The following TMEFF2 variants were observed in gnomAD, a reference collection of about 807,000 sequenced individuals.
TMEFF2 encodes the protein transmembrane protein with EGF like and two follistatin like domains 2.
TMEFF2 carries 28 observed loss-of-function variants against 53.8 expected under a neutral mutation model. The observed-to-expected ratio is 0.52, with a 90% CI of 0.39 to 0.71. TMEFF2 has a LOEUF of 0.71. TMEFF2 is among the 30% of genes least tolerant of loss of function. The probability of loss-of-function intolerance (pLI) is 0.00; values close to 1 mark genes in which losing one functional copy is unlikely to be tolerated. For synonymous variants in TMEFF2, 162 were observed against 166.3 expected, an observed-to-expected ratio of 0.97 and a Z score of 0.20; for missense variants, 353 against 455.2, an observed-to-expected ratio of 0.78 and a Z score of 2.04.
chr2:192,012,536 T>C (rs1349373131), intron 5 of TMEFF2, among the ~76,000 whole-genome samples: 2 of 152,204 alleles, frequency 1.3e-5, no homozygotes, highest in African/African-American at 2.4e-5. Context: ...AATGTTGTAT[T>C]AGCTAGGGGC....
intron 4 of TMEFF2, among the ~76,000 whole-genome samples, chr2:192,072,358 C>A (rs542714984): frequency 1.3e-5 from 2 of 152,036 alleles, no homozygotes; most frequent in East Asian, 3.9e-4. Flanking sequence ...CATTCACATG[C>A]ATACTTTAAA....
chr2:192,010,398 T>C (rs1343056159), intron 5 of TMEFF2, among the ~76,000 whole-genome samples: 1 of 152,068 alleles, frequency 6.6e-6, no homozygotes, highest in Non-Finnish European at 1.5e-5. Flanking sequence ...TGCTTCTGAG[T>C]TTCTCAAAAA....
Position 192,175,818 on chromosome 2 carries a change from A to G in TMEFF2, c.439+3850T>C, listed in dbSNP as rs575661070. Among the ~76,000 whole-genome samples the G allele has an allele frequency of 2.0e-5, 3 of 151,622 alleles. No individual in the cohort carries two copies. The East Asian group carries it at 5.8e-4, about 29-fold the overall frequency. On this transcript the variant is annotated intron_variant, in intron 4 of 9. Coordinates refer to ENST00000272771, the MANE Select transcript of TMEFF2 (RefSeq NM_016192.4). ...ATAATACATTTATAATTATTTTGAT[A>G]GTTAAAATATGGTTTTAATTTCACC...
intron 4 of TMEFF2, among the ~76,000 whole-genome samples, chr2:192,073,644 T>C (rs925584246): frequency 6.6e-6 from 1 of 151,988 alleles, no homozygotes; most frequent in Non-Finnish European, 1.5e-5. Flanking sequence ...TCCATATCTA[T>C]GATTACTCCA....
At chr2:191,972,307 G>GA (rs1559067231) in intron 7 of TMEFF2, among the ~76,000 whole-genome samples, 1 of 116,148 alleles carries the variant, frequency 8.6e-6, no homozygotes, top group African/African-American at 3.5e-5. Flanking sequence ...ATCATGCCCA[G>GA]CTTTTTTTTT....
At chr2:192,181,360 T>C (rs1371714261) in intron 3 of TMEFF2, among the ~76,000 whole-genome samples, 1 of 151,856 alleles carries the variant, frequency 6.6e-6, no homozygotes, top group Non-Finnish European at 1.5e-5. Context: ...TTTAGTTAAA[T>C]GTATATAGTT....
At position 192,025,406 on chromosome 2, in the gene TMEFF2, C is replaced by G. The variant is rs1226320413; in HGVS notation, c.537-26198G>C. On this transcript the variant is annotated intron_variant, in intron 5 of 9. Coordinates refer to ENST00000272771, the MANE Select transcript of TMEFF2 (RefSeq NM_016192.4). ...TTTTTTTTTTAATTTAATGATATAG[C>G]GTTCTTGTTAAAAACCAAAAACCCA... is the stretch of plus-strand genomic sequence containing the variant. Among the ~76,000 whole-genome samples the G allele has an allele frequency of 4.0e-5, 6 of 149,040 alleles. No individual in the cohort carries two copies. The East Asian group carries it at 1.2e-3, about 29-fold the overall frequency.
intron 4 of TMEFF2, chr2:192,179,305 T>C (rs1691127994): frequency 4.9e-6 from 1 of 203,306 alleles, no homozygotes; most frequent in Non-Finnish European, 9.8e-6. Context: ...GTCATATATT[T>C]AAAAATCCAA....
intron 7 of TMEFF2, among the ~76,000 whole-genome samples, chr2:191,969,524 A>T (rs1204138282): frequency 6.6e-6 from 1 of 152,212 alleles, no homozygotes; most frequent in Non-Finnish European, 1.5e-5. Context: ...AAAGGTAAAA[A>T]TATGCAGAGC....
chr2:192,173,564 C>A, intron 4 of TMEFF2, among the ~76,000 whole-genome samples: 1 of 151,812 alleles, frequency 6.6e-6, no homozygotes. Context: ...CCTACTTCTT[C>A]TTTATTGGTT....
chr2:192,135,080 C>T (rs534991394), intron 4 of TMEFF2, among the ~76,000 whole-genome samples: 12 of 152,254 alleles, frequency 7.9e-5, no homozygotes, highest in South Asian at 2.1e-4. Context: ...TTCCAGACAC[C>T]GGACCAACTT....
intron 5 of TMEFF2, chr2:192,029,116 T>TC (rs11436638): frequency 0.98 from 148,950 of 152,050 alleles, 73,024 homozygotes; most frequent in East Asian, 1. Context: ...CCACCTCTTC[T>TC]CCCCCTCCCC....
intron 4 of TMEFF2, among the ~76,000 whole-genome samples, chr2:192,154,009 G>A (rs1311537520): frequency 6.6e-6 from 1 of 151,932 alleles, no homozygotes; most frequent in Non-Finnish European, 1.5e-5. Context: ...TTTGAAGGCA[G>A]AGGAAGTTAA....
intron 4 of TMEFF2, among the ~76,000 whole-genome samples, chr2:192,075,141 G>A (rs1435131883): frequency 6.6e-6 from 1 of 151,022 alleles, no homozygotes; most frequent in Non-Finnish European, 1.5e-5. Context: ...ACTAGGCACA[G>A]AAGGATGAAT....
chr2:192,030,813 G>C (rs1041130213), intron 5 of TMEFF2: 3 of 152,182 alleles, frequency 2.0e-5, no homozygotes, highest in Admixed American at 2.0e-4. Flanking sequence ...CTGAGTAGAT[G>C]GACATTGGCA....
At chr2:192,152,015 A>C (rs559127855) in intron 4 of TMEFF2, among the ~76,000 whole-genome samples, 2 of 151,924 alleles carry the variant, frequency 1.3e-5, no homozygotes, top group South Asian at 2.1e-4. Context: ...GTATTCAGGG[A>C]GGAAGAGGGC....
Position 192,158,173 on chromosome 2 carries a change from C to T in TMEFF2, c.439+21495G>A, listed in dbSNP as rs1323076102. Among the ~76,000 whole-genome samples, 4 of 152,142 alleles carry T rather than the reference C, an allele frequency of 2.6e-5. No individual in the cohort carries two copies. In the East Asian group the frequency reaches 7.8e-4, roughly 30 times the overall value. ...CAATAATGTAAGAAATTTATCTGTA[C>T]AGCCGTCTACTGGCACTTTAAGAAA... is the stretch of plus-strand genomic sequence containing the variant. On this transcript the variant is annotated intron_variant, in intron 4 of 9. Coordinates refer to ENST00000272771, the MANE Select transcript of TMEFF2 (RefSeq NM_016192.4).
At chr2:192,043,878 G>GT (rs1415502228) in intron 5 of TMEFF2, 1 of 152,246 alleles carries the variant, frequency 6.6e-6, no homozygotes, top group African/African-American at 2.4e-5. Context: ...TGATTCTTAT[G>GT]TTCTCACTCA....
In TMEFF2 at chr2:191,996,531, G is replaced by A. The variant is rs188850133; in HGVS notation, c.745+1731C>T. On this transcript the variant is annotated intron_variant, in intron 7 of 9. Transcript: ENST00000272771. ...TTAAAATTTAAAATATATACAATTAGCCTCAGACTTTTATTTTTCATTATT... is the reference window on the plus strand; with the variant it reads ...TTAAAATTTAAAATATATACAATTAACCTCAGACTTTTATTTTTCATTATT... 4.6e-3 allele frequency among the ~76,000 whole-genome samples: 700 copies of A among 151,592 alleles called. 7 individuals carry two copies. Among genetic ancestry groups the A allele is most frequent in the African/African-American group, 0.016 (670 of 41,424 alleles).
Sources: gnomAD v4.1 joint callset for allele counts (sites outside exome capture counted in the v4.1 genomes callset) on GRCh38, gnomAD v4.1.1 for gene constraint, MANE v1.5 for transcripts, NCBI Gene and HGNC (gene_info 2026-07-23, HGNC 2026-07-21) for gene names.